The following MGAT5 variants were observed in gnomAD, a reference collection of about 807,000 sequenced individuals.
The protein encoded by MGAT5 is alpha-1,6-mannosylglycoprotein 6-beta-N-acetylglucosaminyltransferase A.
In MGAT5, 30 loss-of-function variants were observed where a neutral mutation model predicts 94.3. The observed-to-expected ratio is 0.32, with a 90% confidence interval of 0.24 to 0.43. The LOEUF is 0.43. Ranked by LOEUF, MGAT5 falls within the 20% of genes least tolerant of loss-of-function variation. MGAT5 has a pLI of 1.00. For missense variants in MGAT5, 691 were observed against 905.5 expected, an observed-to-expected ratio of 0.76 and a Z score of 3.04; for synonymous variants, 310 against 322.9, an observed-to-expected ratio of 0.96 and a Z score of 0.43.
At chr2:134,291,021 C>G (rs1370676771) in intron 2 of MGAT5, among the ~76,000 whole-genome samples, 1 of 152,126 alleles carries the variant, frequency 6.6e-6, no homozygotes, top group Non-Finnish European at 1.5e-5. Flanking sequence ...GCAAAGGAGA[C>G]TGGCCATAGA....
chr2:134,412,041 C>G (rs574259683), intron 11 of MGAT5, among the ~76,000 whole-genome samples: 1 of 152,166 alleles, frequency 6.6e-6, no homozygotes, highest in Non-Finnish European at 1.5e-5. Context: ...TGTGATGGTA[C>G]GTGCCGAGGC....
chr2:134,182,146 T>A (rs1165522489), intron 1 of MGAT5, among the ~76,000 whole-genome samples: 1 of 152,228 alleles, frequency 6.6e-6, no homozygotes, highest in Non-Finnish European at 1.5e-5. Flanking sequence ...TTGACACTCT[T>A]TCTAAATAGT....
intron 8 of MGAT5, among the ~76,000 whole-genome samples, chr2:134,346,745 A>G (rs1336213868): frequency 6.6e-6 from 1 of 152,192 alleles, no homozygotes; most frequent in Admixed American, 6.5e-5. Flanking sequence ...TCAATTAAAC[A>G]TATATTAAAT....
chr2:134,256,085 GTGTC>G (rs1558736442), intron 1 of MGAT5, among the ~76,000 whole-genome samples: 1 of 152,154 alleles, frequency 6.6e-6, no homozygotes. Flanking sequence ...TCTGTTAAAA[GTGTC>G]TGTAGGCATT....
upstream of MGAT5, among the ~76,000 whole-genome samples, chr2:134,251,724 G>A (rs1682613724): frequency 1.3e-5 from 2 of 152,152 alleles, no homozygotes; most frequent in Non-Finnish European, 2.9e-5. Flanking sequence ...AGGATAGTTA[G>A]CATGCACATC....
rs550347796 is a variant in MGAT5, at chr2:134,178,050, T to C, written c.-143+57759T>C. Reference sequence around the variant, plus strand: ...AAGTGTGCTTTTTTTCTTCGTGCAGTGGTGAATTAAAGACAAAACCAGTTT... The same window carrying C: ...AAGTGTGCTTTTTTTCTTCGTGCAGCGGTGAATTAAAGACAAAACCAGTTT... On this transcript the variant is annotated intron_variant, in intron 1 of 16. Transcript: ENST00000409645. Among the ~76,000 whole-genome samples, 96 of 152,104 alleles carry C rather than the reference T, an allele frequency of 6.3e-4. 2 individuals are homozygous for C. The South Asian group carries it at 0.02, about 31-fold the overall frequency.
At chr2:134,189,602 G>GTTTTTTTTTTGTTTTT (rs1689241661) in intron 1 of MGAT5, among the ~76,000 whole-genome samples, 1 of 84,672 alleles carries the variant, frequency 1.2e-5, no homozygotes, top group South Asian at 4.2e-4. Context: ...GTTTTTTTTT[G>GTTTTTTTTTTGTTTTT]TTTTTTTTTT....
intron 15 of MGAT5, among the ~76,000 whole-genome samples, chr2:134,445,331 T>C (rs567819978): frequency 2.8e-4 from 42 of 152,042 alleles, no homozygotes; most frequent in Non-Finnish European, 4.3e-4. Context: ...ATACTCCTGC[T>C]GCACTCAGAG....
At chr2:134,447,305 T>C (rs1685841803) in intron 15 of MGAT5, among the ~76,000 whole-genome samples, 1 of 152,152 alleles carries the variant, frequency 6.6e-6, no homozygotes, top group African/African-American at 2.4e-5. Context: ...GACAAGCAAG[T>C]GGGGAGGTGG....
chr2:134,387,332 A>ATATATATATATATATATATATATT, intron 10 of MGAT5, among the ~76,000 whole-genome samples: 3 of 24,264 alleles, frequency 1.2e-4, no homozygotes, highest in East Asian at 2.7e-3. Context: ...ATATATATAT[A>ATATATATATATATATATATATATT]TTTTTTTTTT....
intron 1 of MGAT5, among the ~76,000 whole-genome samples, chr2:134,157,142 C>T (rs1687515879): frequency 6.6e-6 from 1 of 152,100 alleles, no homozygotes; most frequent in African/African-American, 2.4e-5. Flanking sequence ...GTACTTACTT[C>T]GTAGGGTTCT....
At chr2:134,237,319 G>A (rs755073286) in intron 1 of MGAT5, among the ~76,000 whole-genome samples, 2 of 152,162 alleles carry the variant, frequency 1.3e-5, no homozygotes, top group Non-Finnish European at 2.9e-5. Flanking sequence ...TCTGTCATGG[G>A]AGGCAAGACA....
intron 1 of MGAT5, among the ~76,000 whole-genome samples, chr2:134,135,301 T>A (rs980899845): frequency 1.3e-5 from 2 of 152,010 alleles, no homozygotes; most frequent in African/African-American, 4.8e-5. Flanking sequence ...CTGATAGGGT[T>A]TAGAACATTG....
chr2:134,396,812 C>G (rs921911945), intron 10 of MGAT5, among the ~76,000 whole-genome samples: 2 of 152,238 alleles, frequency 1.3e-5, no homozygotes, highest in African/African-American at 4.8e-5. Flanking sequence ...CAGTTCCAGC[C>G]ATCTGGGAAC....
intron 1 of MGAT5, among the ~76,000 whole-genome samples, chr2:134,164,531 G>T (rs55912532): frequency 0.019 from 2,835 of 152,142 alleles, 28 homozygotes; most frequent in Non-Finnish European, 0.026. Context: ...TTGCTCTTGG[G>T]TGCTTCCTGA....
At chr2:134,446,222 G>GACAC (rs952292792) in intron 15 of MGAT5, among the ~76,000 whole-genome samples, 13 of 152,148 alleles carry the variant, frequency 8.5e-5, no homozygotes, top group African/African-American at 2.9e-4. Context: ...CCTGCTCACA[G>GACAC]ACACACGCTC....
rs1340015216 is a variant in MGAT5, at chr2:134,454,223, C to T, written c.*5376C>T. 2 of 152,238 alleles carry T rather than the reference C, an allele frequency of 1.3e-5. No homozygotes were observed. Among genetic ancestry groups the T allele is most frequent in the African/African-American group, 4.8e-5 (2 of 41,452 alleles). The allele number at this position is 152,238 out of a possible 1,614,324, so 9.4% of individuals were successfully genotyped here. On this transcript the variant is annotated 3_prime_UTR_variant, in exon 16 of 16. Transcript: ENST00000281923. Reference sequence around the variant, plus strand: ...AAGGATCTGTGGTGCTGGAGGTCTACACGCCTCTCAGGACAGCGTGTCAGG... The same window carrying T: ...AAGGATCTGTGGTGCTGGAGGTCTATACGCCTCTCAGGACAGCGTGTCAGG...
At chr2:134,366,136 A>G (rs942036261) in intron 10 of MGAT5, among the ~76,000 whole-genome samples, 2 of 152,114 alleles carry the variant, frequency 1.3e-5, no homozygotes, top group African/African-American at 4.8e-5. Flanking sequence ...CCTGATCTCT[A>G]CCTCTGAGGC....
intron 10 of MGAT5, among the ~76,000 whole-genome samples, chr2:134,392,266 C>G (rs1192801164): frequency 1.3e-5 from 2 of 152,128 alleles, no homozygotes; most frequent in Non-Finnish European, 2.9e-5. Flanking sequence ...GGAAGGTACT[C>G]TAATTAGAGT....
Sources: allele counts gnomAD v4.1 joint callset (sites outside exome capture counted in the v4.1 genomes callset), GRCh38; gene constraint gnomAD v4.1.1; transcripts MANE v1.5; gene names NCBI Gene and HGNC (gene_info 2026-07-23, HGNC 2026-07-21).